Variants in WDR74 observed in about 807,000 individuals in gnomAD.
WDR74 encodes the protein WD repeat domain 74, also known as WD repeat-containing protein 74.
WDR74 carries 31 observed loss-of-function variants against 45.6 expected under a neutral mutation model. That is an observed-to-expected ratio of 0.68 (90% CI 0.51 to 0.92). The LOEUF (loss-of-function observed/expected upper bound fraction) is 0.92, where lower values mean the gene tolerates loss of function less well. Among genes scored for constraint, WDR74 ranks in the 40% least tolerant of loss-of-function variants. WDR74 has a pLI of 0.00. For missense variants in WDR74, 455 were observed against 497.2 expected, an observed-to-expected ratio of 0.92 and a Z score of 0.81; for synonymous variants, 191 against 192.4, an observed-to-expected ratio of 0.99 and a Z score of 0.06.
chr11:62,841,295 C>T (rs936788270), upstream of WDR74, among the ~76,000 whole-genome samples: 2 of 151,842 alleles, frequency 1.3e-5, no homozygotes, highest in Admixed American at 1.3e-4. Context: ...CTAGCCTGGG[C>T]GACAGAGCAA....
At chr11:62,841,743 G>GA (rs2085066135), upstream of WDR74, 2 of 152,164 alleles carry the variant, frequency 1.3e-5, no homozygotes, top group Non-Finnish European at 2.9e-5. Context: ...GATAGAGGAC[G>GA]TATCAGATAT....
chr11:62,834,228 C>T, intron 8 of WDR74, 48 bp downstream of exon 8: 1 of 1,612,816 alleles, frequency 6.2e-7, no homozygotes, highest in East Asian at 2.2e-5. Flanking sequence ...GAATCCTGAC[C>T]CTTCTCCCTG....
chr11:62,837,572 A>G (rs1258247129), intron 3 of WDR74, among the ~76,000 whole-genome samples: 1 of 151,282 alleles, frequency 6.6e-6, no homozygotes, highest in Admixed American at 6.6e-5. Context: ...TATTTATCCT[A>G]TTTATGTACC....
upstream of WDR74, chr11:62,840,454 G>A (rs2085030284): frequency 1.3e-5 from 2 of 151,370 alleles, no homozygotes; most frequent in Non-Finnish European, 2.9e-5. Flanking sequence ...CTGCACTCCA[G>A]CCTGGGCGTC....
At position 62,833,949 on chromosome 11, in the gene WDR74, G is replaced by A; in HGVS notation, c.776-12C>T. On this transcript the variant is annotated splice_polypyrimidine_tract_variant and intron_variant, in intron 8 of 10. Coordinates refer to ENST00000278856, the MANE Select transcript of WDR74 (RefSeq NM_001369450.1). ...GCCCAGTAGACGCCCTAGAGAAGGGGGGAAGCATCCGTGATAACTGGCTGG... is the reference window on the plus strand; with the variant it reads ...GCCCAGTAGACGCCCTAGAGAAGGGAGGAAGCATCCGTGATAACTGGCTGG... The A allele has an allele frequency of 6.2e-7, 1 of 1,611,490 alleles. No individual in the cohort carries two copies. The highest frequency in any genetic ancestry group is 8.5e-7 in the Non-Finnish European group (1 of 1,178,504).
upstream of WDR74, chr11:62,839,652 T>A: frequency 1.3e-6 from 2 of 1,494,100 alleles, no homozygotes; most frequent in Admixed American, 4.5e-5. Flanking sequence ...TGCAGCGCAG[T>A]GTAGTTGCTG....
rs115081668 is a variant in WDR74, at chr11:62,833,013, G to A, written c.1097C>T (p.Pro366Leu). Reference sequence around the variant, plus strand: ...CCGTCTCGTTTGGAGAGCTCCTTGGGGCTGCTCCAAACCCGAGAGCTTCCG... The same window carrying A: ...CCGTCTCGTTTGGAGAGCTCCTTGGAGCTGCTCCAAACCCGAGAGCTTCCG... ...AKRKLSGLEQ[P>L]QGALQTRRRK... Residue 366 changes from proline (P) to leucine (L), a missense_variant, in exon 11 of 11, where the codon CCC becomes CTC. Transcript: ENST00000278856. The A allele has an allele frequency of 1.7e-3, 2,802 of 1,610,644 alleles. 49 individuals carry two copies. In the African/African-American group the frequency reaches 0.033, roughly 19 times the overall value.
In WDR74 at chr11:62,839,425, ACC is replaced by A; in HGVS notation, c.66_67del (p.Val23LysfsTer91). The A allele has an allele frequency of 1.2e-6, 2 of 1,613,080 alleles. No individual in the cohort carries two copies. Among genetic ancestry groups the A allele is most frequent in the Non-Finnish European group, 1.7e-6 (2 of 1,179,814 alleles). ...CGCCGCCTGTTTTCGCTGAAGATTT[ACC>A]CCTGAGAGACGAAGGCGTCAGTCAC... is the stretch of plus-strand genomic sequence containing the variant. On this transcript the variant is annotated frameshift_variant and splice_region_variant, in exon 2 of 11. Coordinates refer to ENST00000278856, the MANE Select transcript of WDR74 (RefSeq NM_001369450.1). LOFTEE classifies it high-confidence loss of function.
chr11:62,835,629 T>G (rs2084948064), intron 5 of WDR74, 66 bp downstream of exon 5: 4 of 1,613,636 alleles, frequency 2.5e-6, no homozygotes, highest in Admixed American at 1.7e-5. Context: ...TAGTCTCTAA[T>G]GCATCGTCAG....
intron 6 of WDR74, 41 bp downstream of exon 6, chr11:62,835,390 G>A (rs765090960): frequency 6.3e-7 from 1 of 1,585,978 alleles, no homozygotes; most frequent in Non-Finnish European, 8.7e-7. Context: ...CCAGGAGGCT[G>A]CTTTATCCCA....
chr11:62,839,437 CG>C lies in WDR74; in HGVS notation c.65-10del. ...TCGCTGAAGATTTACCCCTGAGAGA[CG>C]AAGGCGTCAGTCACGCCAGGGGCGC... On this transcript the variant is annotated splice_polypyrimidine_tract_variant and intron_variant, in intron 1 of 10. Coordinates refer to ENST00000278856, the MANE Select transcript of WDR74 (RefSeq NM_001369450.1). 6.2e-7 allele frequency: 1 copy of C among 1,613,532 alleles called. No homozygotes were observed.
At chr11:62,834,930 TCAATGTG>T in intron 6 of WDR74, 1 of 231,344 alleles carries the variant, frequency 4.3e-6, no homozygotes, top group East Asian at 9.6e-5. Context: ...AGATCAGACT[TCAATGTG>T]CAGAAGCAAA....
chr11:62,839,289 C>A (rs755203173), intron 2 of WDR74, 33 bp downstream of exon 2: 5 of 1,610,790 alleles, frequency 3.1e-6, no homozygotes, highest in Admixed American at 3.3e-5. Flanking sequence ...GCGCCCCAGG[C>A]CCCCAGCTCC....
upstream of WDR74, among the ~76,000 whole-genome samples, chr11:62,840,674 G>T (rs1181271199): frequency 6.6e-6 from 1 of 152,158 alleles, no homozygotes; most frequent in Non-Finnish European, 1.5e-5. Flanking sequence ...CTAACGCGAA[G>T]ATTTATTTAT....
chr11:62,834,981 C>T (rs1373554687), intron 6 of WDR74: 3 of 216,296 alleles, frequency 1.4e-5, no homozygotes, highest in African/African-American at 2.3e-5. Flanking sequence ...CCAGCCCCGC[C>T]CGTGTCTCAA....
At chr11:62,838,879 T>C (rs1370225635) in intron 3 of WDR74, among the ~76,000 whole-genome samples, 6 of 152,162 alleles carry the variant, frequency 3.9e-5, no homozygotes, top group African/African-American at 1.4e-4. Flanking sequence ...ATGAGAACTT[T>C]TTGAAGGCAG....
upstream of WDR74, chr11:62,841,730 T>G (rs554765295): frequency 2.0e-5 from 3 of 152,328 alleles, no homozygotes; most frequent in Non-Finnish European, 2.9e-5. Flanking sequence ...TATATTGTCC[T>G]CGGATAGAGG....
chr11:62,836,050 A>G lies in WDR74; in HGVS notation c.294-14T>C. 1 of 1,572,970 alleles carries G rather than the reference A, an allele frequency of 6.4e-7. No homozygotes were observed. Among genetic ancestry groups the G allele is most frequent in the Non-Finnish European group, 8.6e-7 (1 of 1,158,520 alleles). On this transcript the variant is annotated splice_polypyrimidine_tract_variant and intron_variant, in intron 3 of 10. Transcript: ENST00000278856. ...GTGATGAGGGTGCTGCAGAGAAAGG[A>G]TAGAGTTGGGATTTTTTAAGTGCTT... is the stretch of plus-strand genomic sequence containing the variant.
chr11:62,837,393 AG>A (rs2084974141), intron 3 of WDR74, among the ~76,000 whole-genome samples: 1 of 151,602 alleles, frequency 6.6e-6, no homozygotes, highest in Non-Finnish European at 1.5e-5. Flanking sequence ...GCTACTCAGG[AG>A]GCTGAGGCAA....
Sources: gnomAD v4.1 joint callset for allele counts (sites outside exome capture counted in the v4.1 genomes callset) on GRCh38, gnomAD v4.1.1 for gene constraint, MANE v1.5 for transcripts, NCBI Gene and HGNC (gene_info 2026-07-23, HGNC 2026-07-21) for gene names.